Variants in ERN1 observed in about 807,000 individuals in gnomAD.
The protein encoded by ERN1 is serine/threonine-protein kinase/endoribonuclease IRE1.
In ERN1, 39 loss-of-function variants were observed where a neutral mutation model predicts 113.1. That is an observed-to-expected ratio of 0.34 (90% CI 0.27 to 0.45). ERN1 has a LOEUF of 0.45. Among genes scored for constraint, ERN1 ranks in the 20% least tolerant of loss-of-function variants. ERN1 has a pLI of 1.00. For missense variants in ERN1, 976 were observed against 1,274.8 expected (o/e 0.77, Z 3.57); for synonymous variants, 507 against 515.9 (o/e 0.98, Z 0.23).
chr17:64,103,041 C>T, intron 1 of ERN1: 1 of 740,410 alleles, frequency 1.4e-6, no homozygotes, highest in Non-Finnish European at 1.6e-6. Context: ...TAATTGGTCC[C>T]CACAGACATC....
intron 1 of ERN1, among the ~76,000 whole-genome samples, chr17:64,112,533 G>A (rs1200775129): frequency 6.6e-6 from 1 of 152,200 alleles, no homozygotes; most frequent in African/African-American, 2.4e-5. Flanking sequence ...TAAGTTCAGT[G>A]TAGTTCCTGA....
intron 2 of ERN1, among the ~76,000 whole-genome samples, chr17:64,089,827 T>C (rs1914040105): frequency 6.6e-6 from 1 of 151,964 alleles, no homozygotes. Flanking sequence ...GGCTGACAGG[T>C]AACAGTGAAA....
intron 1 of ERN1, among the ~76,000 whole-genome samples, chr17:64,108,880 T>C (rs562236892): frequency 5.9e-5 from 9 of 152,288 alleles, no homozygotes; most frequent in African/African-American, 2.2e-4. Flanking sequence ...CCCAGCACTT[T>C]GGGAGGCCAA....
chr17:64,048,965 G>A, intron 18 of ERN1, 90 bp downstream of exon 18: 2 of 1,312,246 alleles, frequency 1.5e-6, no homozygotes, highest in Non-Finnish European at 2.0e-6. Context: ...CACGGCCTCT[G>A]TGAGTGCAAA....
intron 1 of ERN1, among the ~76,000 whole-genome samples, chr17:64,126,207 T>C (rs1182691377): frequency 2.0e-5 from 3 of 152,232 alleles, no homozygotes; most frequent in Non-Finnish European, 2.9e-5. Context: ...AGCCCAGTTA[T>C]TTGTGCATAA....
At chr17:64,117,907 G>C (rs1914853270) in intron 1 of ERN1, among the ~76,000 whole-genome samples, 1 of 152,314 alleles carries the variant, frequency 6.6e-6, no homozygotes, top group South Asian at 2.1e-4. Flanking sequence ...AGTTCCATGA[G>C]GGCGGGGGTC....
At chr17:64,050,210 G>A (rs567596924) in intron 17 of ERN1, among the ~76,000 whole-genome samples, 1 of 152,210 alleles carries the variant, frequency 6.6e-6, no homozygotes, top group South Asian at 2.1e-4. Flanking sequence ...TTTTCCCTTA[G>A]GAAGGTGCTG....
intron 2 of ERN1, among the ~76,000 whole-genome samples, chr17:64,090,338 C>T (rs976697613): frequency 6.6e-6 from 1 of 152,184 alleles, no homozygotes. Context: ...CGGAAAACTG[C>T]CCATACTAAA....
chr17:64,126,635 T>C (rs1345236983), intron 1 of ERN1, among the ~76,000 whole-genome samples: 1 of 152,176 alleles, frequency 6.6e-6, no homozygotes, highest in Non-Finnish European at 1.5e-5. Context: ...AATACACATG[T>C]GCACAACTAC....
intron 6 of ERN1, 39 bp downstream of exon 6, chr17:64,071,942 A>C (rs1298749575): frequency 6.5e-7 from 1 of 1,549,572 alleles, no homozygotes; most frequent in Admixed American, 2.0e-5. Flanking sequence ...GATCTTCTGG[A>C]AACAGGCAGG....
At chr17:64,109,196 GT>G (rs1190537803) in intron 1 of ERN1, among the ~76,000 whole-genome samples, 1 of 152,058 alleles carries the variant, frequency 6.6e-6, no homozygotes, top group African/African-American at 2.4e-5. Flanking sequence ...TACATACCAA[GT>G]TTTTCAGTCC....
At position 64,093,426 on chromosome 17, in the gene ERN1, A is replaced by G. The variant is rs147289479; in HGVS notation, c.175+4695T>C. Among the ~76,000 whole-genome samples, 808 of 152,284 alleles carry G rather than the reference A, an allele frequency of 5.3e-3. 3 individuals carry two copies. Among genetic ancestry groups the G allele is most frequent in the Non-Finnish European group, 8.2e-3 (556 of 68,016 alleles). ...TCAACACAGCACTTGTTGATCTTGT[A>G]AAGTGGAGGCCATGTGCCTTACTCT... On this transcript the variant is annotated intron_variant, in intron 2 of 21. Transcript: ENST00000433197.
chr17:64,054,921 T>TA lies in ERN1; in HGVS notation c.1673-94dup, dbSNP rs560836065. ...AGTGACAAGCTTCCTGACCTCAGAT[T>TA]AAAAGATGGGATTTAAGAGGCACTG... On this transcript the variant is annotated intron_variant, in intron 13 of 21. Coordinates refer to ENST00000433197, the MANE Select transcript of ERN1 (RefSeq NM_001433.5). The surrounding 1 kb of genome is among the most constrained non-coding windows in gnomAD (Gnocchi z 4.9). 2.0e-6 allele frequency: 2 copies of TA among 988,722 alleles called. No homozygotes were observed. Among genetic ancestry groups the TA allele is most frequent in the African/African-American group, 3.2e-5 (2 of 61,946 alleles). 61.2% of individuals were successfully genotyped at this position (988,722 alleles called of 1,614,324 possible).
Position 64,117,410 on chromosome 17 carries a change from T to A in ERN1, c.54+12566A>T, listed in dbSNP as rs115701436. Among the ~76,000 whole-genome samples, 708 of 150,446 alleles carry A rather than the reference T, an allele frequency of 4.7e-3. 5 individuals are homozygous for A. The highest frequency in any genetic ancestry group is 0.017 in the African/African-American group (683 of 40,796). ...GTAAGCCAAAATCACGCCACTGCAC[T>A]CCAGTGTGGGCGACACAGTGAGACT... is the stretch of plus-strand genomic sequence containing the variant. On this transcript the variant is annotated intron_variant, in intron 1 of 21. Transcript: ENST00000433197.
At chr17:64,062,963 TACCTGGTTAC>T (rs141578559) in intron 10 of ERN1, among the ~76,000 whole-genome samples, 2,873 of 152,250 alleles carry the variant, frequency 0.019, 80 homozygotes, top group African/African-American at 0.065. Flanking sequence ...CCCCCCATAA[TACCTGGTTAC>T]ACACATCCCC....
At chr17:64,080,902 A>G in intron 2 of ERN1, 94 bp from the exon 3 acceptor site, 1 of 1,304,296 alleles carries the variant, frequency 7.7e-7, no homozygotes, top group South Asian at 1.3e-5. Flanking sequence ...TGTACCGGTA[A>G]TAACTTTCTC....
At chr17:64,058,808 C>G (rs1194274636) in intron 11 of ERN1, among the ~76,000 whole-genome samples, 1 of 152,134 alleles carries the variant, frequency 6.6e-6, no homozygotes, top group South Asian at 2.1e-4. Flanking sequence ...CCCCTCCCCC[C>G]AGATGGCTGC....
At chr17:64,118,141 T>C (rs1377247481) in intron 1 of ERN1, among the ~76,000 whole-genome samples, 1 of 152,084 alleles carries the variant, frequency 6.6e-6, no homozygotes, top group Non-Finnish European at 1.5e-5. Context: ...ACCTAAATGG[T>C]GATCCTAATT....
In ERN1 at chr17:64,060,478, G is replaced by T; in HGVS notation, c.1197C>A (p.Ser399Arg). ...TCGCTTCCTCACTCACTTCCTCAAA[G>T]CTCTTTTTCTCTGAATCAGCAGGAA... is the stretch of plus-strand genomic sequence containing the variant. ...NVIPADSEKKSFEEVINLVDQ... is the reference protein window; with the variant it reads ...NVIPADSEKKRFEEVINLVDQ... Residue 399 changes from serine (S) to arginine (R), a missense_variant, in exon 11 of 22, where the codon AGC becomes AGA. Physicochemically the swap from Ser to Arg is moderately radical, Grantham distance 110 (BLOSUM62 -1). Transcript: ENST00000433197. 6.2e-7 allele frequency: 1 copy of T among 1,610,942 alleles called. No homozygotes were observed. Among genetic ancestry groups the T allele is most frequent in the Non-Finnish European group, 8.5e-7 (1 of 1,177,176 alleles).
Sources: gnomAD v4.1 joint callset for allele counts (sites outside exome capture counted in the v4.1 genomes callset) on GRCh38, gnomAD v4.1.1 for gene constraint, Gnocchi (gnomAD v3.1) non-coding constraint, MANE v1.5 for transcripts, NCBI Gene and HGNC (gene_info 2026-07-23, HGNC 2026-07-21) for gene names.